UNC5C: variants seen among roughly 807,000 people sequenced by gnomAD.
UNC5C encodes netrin receptor UNC5C.
A neutral mutation model predicts 99.8 loss-of-function variants in UNC5C; 47 were observed. The ratio of observed to expected loss-of-function variants is 0.47; its 90% CI spans 0.37 to 0.60. The LOEUF is 0.60. Among genes scored for constraint, UNC5C ranks in the 20% least tolerant of loss-of-function variants. The pLI, the probability that UNC5C is intolerant of heterozygous loss-of-function variation, is 0.00. For synonymous variants in UNC5C, 487 were observed against 452.2 expected, an observed-to-expected ratio of 1.08 and a Z score of -0.98; for missense variants, 1,062 against 1,165.9, an observed-to-expected ratio of 0.91 and a Z score of 1.30.
At chr4:95,288,063 A>ATTATTTATTTATTTATTTATTTATTTAT (rs373317999) in intron 3 of UNC5C, among the ~76,000 whole-genome samples, 7 of 143,240 alleles carry the variant, frequency 4.9e-5, no homozygotes, top group East Asian at 2.1e-4. Context: ...CACTTTACAG[A>ATTATTTATTTATTTATTTATTTATTTAT]TTATTTATTT....
chr4:95,364,980 T>C (rs1158940132), intron 1 of UNC5C, among the ~76,000 whole-genome samples: 2 of 151,768 alleles, frequency 1.3e-5, no homozygotes, highest in Non-Finnish European at 2.9e-5. Context: ...TATTTAAGTA[T>C]ATATTTATTT....
In UNC5C at chr4:95,168,868, A is replaced by G. The variant is rs546071530; in HGVS notation, c.*366T>C. On this transcript the variant is annotated 3_prime_UTR_variant, in exon 16 of 16. Coordinates refer to ENST00000453304, the MANE Select transcript of UNC5C (RefSeq NM_003728.4). ...CATCCCTGTCCAATTTGATGTAAACAACATTTGTAGAAATTGGGTTTGTTA... is the reference window on the plus strand; with the variant it reads ...CATCCCTGTCCAATTTGATGTAAACGACATTTGTAGAAATTGGGTTTGTTA... The G allele has an allele frequency of 3.3e-5, 6 of 180,184 alleles. No individual in the cohort carries two copies. The highest frequency in any genetic ancestry group is 1.4e-4 in the African/African-American group (6 of 42,788). 11.2% of individuals were successfully genotyped at this position (180,184 alleles called of 1,614,324 possible). A position where few individuals can be genotyped will look rare whatever the true frequency, so the allele number is the denominator to read the frequency against.
chr4:95,331,257 G>A (rs1017319663), intron 2 of UNC5C, among the ~76,000 whole-genome samples: 12 of 152,034 alleles, frequency 7.9e-5, no homozygotes, highest in African/African-American at 2.9e-4. Flanking sequence ...CTTTGCTATT[G>A]TGAATAGAGC....
chr4:95,473,647 T>C (rs190251689), intron 1 of UNC5C, among the ~76,000 whole-genome samples: 147 of 152,244 alleles, frequency 9.7e-4, no homozygotes, highest in African/African-American at 3.4e-3. Flanking sequence ...AAAAAGCCTA[T>C]CATAAGATGA....
chr4:95,266,553 C>A (rs1249408293), intron 4 of UNC5C, among the ~76,000 whole-genome samples: 1 of 152,168 alleles, frequency 6.6e-6, no homozygotes, highest in African/African-American at 2.4e-5. Flanking sequence ...CTTTTTATAG[C>A]TCCTAGACTC....
intron 1 of UNC5C, among the ~76,000 whole-genome samples, chr4:95,411,873 G>A (rs984565140): frequency 5.9e-5 from 9 of 151,910 alleles, no homozygotes; most frequent in African/African-American, 2.2e-4. Context: ...TACTGTCTTC[G>A]TTAAGGACCT....
chr4:95,418,340 C>T (rs188622030), intron 1 of UNC5C, among the ~76,000 whole-genome samples: 6 of 152,256 alleles, frequency 3.9e-5, no homozygotes, highest in Non-Finnish European at 5.9e-5. Flanking sequence ...TCATTAGAAA[C>T]GCGATGACAA....
Position 95,242,493 on chromosome 4 carries a change from T to C in UNC5C, c.1044A>G (p.Gly348=). 5 of 1,613,918 alleles carry C rather than the reference T, an allele frequency of 3.1e-6. No individual in the cohort carries two copies. Among genetic ancestry groups the C allele is most frequent in the Non-Finnish European group, 4.2e-6 (5 of 1,179,922 alleles). The change falls in exon 7 of 16, where the codon GGA becomes GGG. Residue 348 remains glycine (G), a synonymous_variant. Coordinates refer to ENST00000453304, the MANE Select transcript of UNC5C (RefSeq NM_003728.4). The part of the protein sequence containing the change: ...RECTAPAPKN[G]GKDCDGLVLQ... ...AGACGAGGCCGTCGCAGTCCTTGCC[T>C]CCATTCTTGGGGGCTGGCGCCGTGC... is the stretch of plus-strand genomic sequence containing the variant.
chr4:95,355,829 A>G (rs901059907), intron 1 of UNC5C, among the ~76,000 whole-genome samples: 3 of 152,182 alleles, frequency 2.0e-5, no homozygotes, highest in Non-Finnish European at 2.9e-5. Flanking sequence ...TTTTAAAAAT[A>G]TAAAAGTCAA....
chr4:95,182,790 T>C (rs1736666042), intron 14 of UNC5C, 107 bp downstream of exon 14: 1 of 1,260,622 alleles, frequency 7.9e-7, no homozygotes, highest in African/African-American at 1.5e-5. Context: ...AGAAAGCTTT[T>C]GAGGACTTCC....
At chr4:95,253,385 A>C (rs1301503525) in intron 4 of UNC5C, among the ~76,000 whole-genome samples, 1 of 152,086 alleles carries the variant, frequency 6.6e-6, no homozygotes, top group Non-Finnish European at 1.5e-5. Flanking sequence ...ATGGTTGACA[A>C]AAGATTTGAA....
chr4:95,207,048 CT>C (rs1737905741), intron 10 of UNC5C, among the ~76,000 whole-genome samples: 1 of 152,024 alleles, frequency 6.6e-6, no homozygotes, highest in Non-Finnish European at 1.5e-5. Flanking sequence ...ATCCCCTTCC[CT>C]CCGACACTGG....
chr4:95,482,582 C>T (rs1327100516), intron 1 of UNC5C, among the ~76,000 whole-genome samples: 13 of 149,386 alleles, frequency 8.7e-5, no homozygotes, highest in African/African-American at 2.7e-4. Context: ...CTGCACTATT[C>T]ACAATAGCAA....
At chr4:95,545,277 T>C (rs560286484) in intron 1 of UNC5C, among the ~76,000 whole-genome samples, 2 of 152,312 alleles carry the variant, frequency 1.3e-5, no homozygotes, top group Non-Finnish European at 2.9e-5. Flanking sequence ...TCTTTGCAAG[T>C]GTTTGAAAAG....
At chr4:95,462,041 GT>G (rs891040909) in intron 1 of UNC5C, among the ~76,000 whole-genome samples, 17 of 150,804 alleles carry the variant, frequency 1.1e-4, no homozygotes, top group Admixed American at 6.6e-4. Flanking sequence ...AGAGCCTTGG[GT>G]TTTTTTTTAG....
At chr4:95,363,905 T>C (rs1744473111) in intron 1 of UNC5C, among the ~76,000 whole-genome samples, 1 of 152,168 alleles carries the variant, frequency 6.6e-6, no homozygotes, top group Non-Finnish European at 1.5e-5. Flanking sequence ...ATGCTGAATC[T>C]CACACTTCTG....
intron 1 of UNC5C, among the ~76,000 whole-genome samples, chr4:95,496,419 A>G (rs908739397): frequency 6.6e-6 from 1 of 151,846 alleles, no homozygotes; most frequent in Admixed American, 6.6e-5. Flanking sequence ...TATTTTAAAT[A>G]TATAGAAGGG....
At chr4:95,218,939 C>T in intron 9 of UNC5C, 30 bp downstream of exon 9, 1 of 1,542,904 alleles carries the variant, frequency 6.5e-7, no homozygotes, top group Non-Finnish European at 8.7e-7. Flanking sequence ...TTCAAGCTGC[C>T]TCTTTGCAAT....
At chr4:95,198,281 G>C (rs1737514344) in intron 12 of UNC5C, among the ~76,000 whole-genome samples, 1 of 152,114 alleles carries the variant, frequency 6.6e-6, no homozygotes, top group South Asian at 2.1e-4. Context: ...GAGTCACCGT[G>C]CCCAGTGAGG....
Sources: allele counts gnomAD v4.1 joint callset (sites outside exome capture counted in the v4.1 genomes callset), GRCh38; gene constraint gnomAD v4.1.1; transcripts MANE v1.5; gene names NCBI Gene and HGNC (gene_info 2026-07-23, HGNC 2026-07-21).